CDC42BPB: variants seen among roughly 807,000 people sequenced by gnomAD.
The protein encoded by CDC42BPB is serine/threonine-protein kinase MRCK beta.
Under a neutral mutation model 214.9 loss-of-function variants are expected in CDC42BPB, and 37 were observed. The ratio of observed to expected loss-of-function variants is 0.17; its 90% CI spans 0.13 to 0.23. The LOEUF is 0.23. CDC42BPB is among the 10% of genes least tolerant of loss of function. The probability of loss-of-function intolerance (pLI) is 1.00; values close to 1 mark genes in which losing one functional copy is unlikely to be tolerated. For missense variants in CDC42BPB, 1,694 were observed against 2,227.0 expected, an observed-to-expected ratio of 0.76 and a Z score of 4.82; for synonymous variants, 931 against 884.0, an observed-to-expected ratio of 1.05 and a Z score of -0.94.
chr14:103,006,014 T>G (rs1265586822), intron 3 of CDC42BPB, among the ~76,000 whole-genome samples: 1 of 92,608 alleles, frequency 1.1e-5, no homozygotes, highest in African/African-American at 5.9e-5. Flanking sequence ...GAGAGACGTC[T>G]CAAAAAAAAA....
intron 35 of CDC42BPB, 31 bp downstream of exon 35, chr14:102,938,275 C>G (rs907942610): frequency 6.2e-7 from 1 of 1,603,386 alleles, no homozygotes; most frequent in South Asian, 1.1e-5. Context: ...CCACCTCCCC[C>G]AGGGCTGCGG....
At chr14:103,032,703 G>T (rs1375952270) in intron 1 of CDC42BPB, among the ~76,000 whole-genome samples, 4 of 147,340 alleles carry the variant, frequency 2.7e-5, no homozygotes, top group Admixed American at 6.8e-5. Flanking sequence ...TGTGATCTAG[G>T]CTCATTGCGA....
chr14:102,950,493 G>T lies in CDC42BPB; in HGVS notation c.3282C>A (p.Ile1094=). The T allele has an allele frequency of 6.2e-7, 1 of 1,613,232 alleles. No homozygotes were observed. Among genetic ancestry groups the T allele is most frequent in the Non-Finnish European group, 8.5e-7 (1 of 1,179,970 alleles). The change falls in exon 25 of 37, where the codon ATC becomes ATA. Residue 1094 remains isoleucine, a synonymous_variant. Coordinates refer to ENST00000361246, the MANE Select transcript of CDC42BPB (RefSeq NM_006035.4). ...RPLGVDVQRG[I]GTAYKGHVKV... The stretch of plus-strand genomic sequence containing the variant: ...TGACATGGCCTTTGTAGGCTGTTCC[G>T]ATGCCTCGCTGCACGTCCACGCCCA...
intron 8 of CDC42BPB, among the ~76,000 whole-genome samples, chr14:102,980,222 C>T (rs769145205): frequency 6.6e-6 from 1 of 152,124 alleles, no homozygotes; most frequent in African/African-American, 2.4e-5. Context: ...AGGCTGGGCG[C>T]GATGGCTCAC....
intron 1 of CDC42BPB, chr14:103,041,347 G>A: frequency 2.1e-6 from 1 of 477,684 alleles, no homozygotes; most frequent in Non-Finnish European, 3.7e-6. Flanking sequence ...ATGTATAAAA[G>A]AAAACACAGG....
At position 102,952,616 on chromosome 14, in the gene CDC42BPB, A is replaced by T; in HGVS notation, c.3067-13T>A. On this transcript the variant is annotated splice_polypyrimidine_tract_variant and intron_variant, in intron 23 of 36. Transcript: ENST00000361246. ...GGTGAGCTTTTGGCTGGAAGGAGAA[A>T]ATCAAGAACACTGAGGTGAACCATG... The T allele has an allele frequency of 6.2e-7, 1 of 1,611,146 alleles. No homozygotes were observed. The highest frequency in any genetic ancestry group is 8.5e-7 in the Non-Finnish European group (1 of 1,178,084).
At chr14:102,958,810 C>T (rs1035074867) in intron 21 of CDC42BPB, among the ~76,000 whole-genome samples, 6 of 152,146 alleles carry the variant, frequency 3.9e-5, no homozygotes, top group Middle Eastern at 3.4e-3. Context: ...GATGGAAACA[C>T]AACTAAAGTA....
chr14:103,007,434 T>TG (rs2139623443), intron 3 of CDC42BPB, among the ~76,000 whole-genome samples: 1 of 152,296 alleles, frequency 6.6e-6, no homozygotes, highest in African/African-American at 2.4e-5. Context: ...GCAACCATCA[T>TG]GGGCAGCACA....
At chr14:102,964,261 C>G (rs920493353) in intron 19 of CDC42BPB, among the ~76,000 whole-genome samples, 4 of 152,246 alleles carry the variant, frequency 2.6e-5, no homozygotes, top group African/African-American at 9.6e-5. Context: ...ACACGGCTCG[C>G]ACCGCACCAC....
At chr14:103,043,797 C>T (rs1228193200) in intron 1 of CDC42BPB, among the ~76,000 whole-genome samples, 1 of 151,080 alleles carries the variant, frequency 6.6e-6, no homozygotes, top group Non-Finnish European at 1.5e-5. Flanking sequence ...TTGCTGACAG[C>T]TGGTTTCTGT....
intron 1 of CDC42BPB, among the ~76,000 whole-genome samples, chr14:103,039,889 A>T (rs1887890535): frequency 6.6e-6 from 1 of 152,172 alleles, no homozygotes; most frequent in Non-Finnish European, 1.5e-5. Context: ...TAAAAATTCT[A>T]ATGAATTCAC....
At chr14:103,049,111 G>A (rs569735399) in intron 1 of CDC42BPB, among the ~76,000 whole-genome samples, 1 of 152,322 alleles carries the variant, frequency 6.6e-6, no homozygotes, top group South Asian at 2.1e-4. Context: ...GCAGTGGAGG[G>A]ACAATGTAGA....
At chr14:102,934,018 T>A in intron 36 of CDC42BPB, 175 bp from the exon 37 acceptor site, 1 of 1,359,876 alleles carries the variant, frequency 7.4e-7, no homozygotes, top group Non-Finnish European at 9.4e-7. Flanking sequence ...TTAGGCGTGC[T>A]GGTGAGAGTC....
chr14:102,998,033 C>A (rs1211669284), intron 5 of CDC42BPB, among the ~76,000 whole-genome samples: 1 of 152,138 alleles, frequency 6.6e-6, no homozygotes, highest in African/African-American at 2.4e-5. Flanking sequence ...GAGCCTGAGG[C>A]AGGAGAATCT....
chr14:103,057,349 AC>A lies in CDC42BPB; in HGVS notation c.-177del. 1 of 1,018,594 alleles carries A rather than the reference AC, an allele frequency of 9.8e-7. No individual in the cohort carries two copies. Among genetic ancestry groups the A allele is most frequent in the South Asian group, 4.5e-5 (1 of 22,116 alleles). 63.1% of individuals were successfully genotyped at this position (1,018,594 alleles called of 1,614,324 possible). On this transcript the variant is annotated 5_prime_UTR_variant, in exon 1 of 37. The change creates a premature stop within an existing upstream ORF in the 5' untranslated region. Transcript: ENST00000361246. ...GGCCGACATCTTGGGCTCCGTCCCGACGGCGCAGAGTCTGGGGCGCCGGGCC... is the reference window on the plus strand; with the variant it reads ...GGCCGACATCTTGGGCTCCGTCCCGAGGCGCAGAGTCTGGGGCGCCGGGCC...
At chr14:102,934,888 T>C (rs1891575693) in intron 36 of CDC42BPB, among the ~76,000 whole-genome samples, 1 of 151,476 alleles carries the variant, frequency 6.6e-6, no homozygotes, top group African/African-American at 2.4e-5. Context: ...TGGGCACCTG[T>C]AGTCCCAGCT....
At chr14:103,048,766 C>T (rs1317637098) in intron 1 of CDC42BPB, among the ~76,000 whole-genome samples, 4 of 148,886 alleles carry the variant, frequency 2.7e-5, no homozygotes, top group African/African-American at 9.9e-5. Flanking sequence ...CCCAGCTACT[C>T]GGGAGACTGA....
intron 13 of CDC42BPB, among the ~76,000 whole-genome samples, chr14:102,970,901 G>C (rs1456896716): frequency 1.3e-5 from 2 of 152,232 alleles, no homozygotes; most frequent in African/African-American, 4.8e-5. Flanking sequence ...GAAAGGAACA[G>C]GAGCATGTGC....
intron 3 of CDC42BPB, among the ~76,000 whole-genome samples, chr14:103,005,673 A>G (rs2139616696): frequency 6.6e-6 from 1 of 152,120 alleles, no homozygotes; most frequent in Non-Finnish European, 1.5e-5. Context: ...TGTACAACAG[A>G]GTAACAGAGT....
Sources: gnomAD v4.1 joint callset for allele counts (sites outside exome capture counted in the v4.1 genomes callset) on GRCh38, gnomAD v4.1.1 for gene constraint, MANE v1.5 for transcripts, NCBI Gene and HGNC (gene_info 2026-07-23, HGNC 2026-07-21) for gene names.